Variants in CSMD1 observed in about 807,000 individuals in gnomAD.
The protein encoded by CSMD1 is CUB and Sushi multiple domains 1.
A neutral mutation model predicts 417.5 loss-of-function variants in CSMD1; 213 were observed. That is an observed-to-expected ratio of 0.51 (90% confidence interval 0.46 to 0.57). CSMD1 has a LOEUF of 0.57. Ranked by LOEUF, CSMD1 falls within the 20% of genes least tolerant of loss-of-function variation. CSMD1 has a pLI of 0.00. For missense variants in CSMD1, 6,923 were observed against 4,529.7 expected, an observed-to-expected ratio of 1.53 and a Z score of -15.17; for synonymous variants, 2,862 against 1,736.8, an observed-to-expected ratio of 1.65 and a Z score of -16.11.
intron 3 of CSMD1, among the ~76,000 whole-genome samples, chr8:4,316,081 G>C (rs757433688): frequency 2.0e-5 from 3 of 151,850 alleles, no homozygotes; most frequent in Admixed American, 1.3e-4. Context: ...AAAATAAAAT[G>C]GGTTATTAAA....
intron 5 of CSMD1, among the ~76,000 whole-genome samples, chr8:3,958,579 G>A (rs533863943): frequency 6.6e-6 from 1 of 151,992 alleles, no homozygotes; most frequent in African/African-American, 2.4e-5. Context: ...TTATCTGCTT[G>A]TTCTTTATCC....
At chr8:4,255,232 G>A (rs778307032) in intron 3 of CSMD1, among the ~76,000 whole-genome samples, 21 of 152,192 alleles carry the variant, frequency 1.4e-4, no homozygotes, top group Middle Eastern at 3.4e-3. Flanking sequence ...AGTCCCTATG[G>A]ATTTGACTAA....
Position 4,698,486 on chromosome 8 carries a change from A to G in CSMD1, c.86-60928T>C, listed in dbSNP as rs114641690. 2.6e-3 allele frequency among the ~76,000 whole-genome samples: 393 copies of G among 152,298 alleles called. 5 individuals are homozygous for G. The highest frequency in any genetic ancestry group is 9.2e-3 in the African/African-American group (383 of 41,564). On this transcript the variant is annotated intron_variant, in intron 1 of 69. Transcript: ENST00000635120. Reference sequence around the variant, plus strand: ...GTTCTCATAAGGCAGTTGGGATAGAAAACCAGCTCAGGTGTGTGTTAGGCC... The same window carrying G: ...GTTCTCATAAGGCAGTTGGGATAGAGAACCAGCTCAGGTGTGTGTTAGGCC...
At chr8:3,197,814 T>G (rs573632516) in intron 33 of CSMD1, among the ~76,000 whole-genome samples, 15 of 152,332 alleles carry the variant, frequency 9.8e-5, no homozygotes, top group Admixed American at 7.2e-4. Flanking sequence ...AGAAGCAATG[T>G]TCCATTTAAC....
At chr8:4,646,578 A>G (rs1020605441) in intron 1 of CSMD1, among the ~76,000 whole-genome samples, 1 of 152,214 alleles carries the variant, frequency 6.6e-6, no homozygotes, top group Non-Finnish European at 1.5e-5. Flanking sequence ...GGGTGTTCGC[A>G]TATACAAATT....
chr8:4,753,181 T>C (rs6558911), intron 1 of CSMD1, among the ~76,000 whole-genome samples: 65,500 of 151,590 alleles, frequency 0.43, 15,018 homozygotes, highest in East Asian at 0.64. Flanking sequence ...CAGGAGGCAA[T>C]GGAGACAGGA....
chr8:3,240,395 C>A (rs191836879), intron 26 of CSMD1, among the ~76,000 whole-genome samples: 2 of 149,108 alleles, frequency 1.3e-5, no homozygotes, highest in African/African-American at 4.9e-5. Flanking sequence ...TATCTAAAGT[C>A]GAAAGTATCC....
intron 1 of CSMD1, among the ~76,000 whole-genome samples, chr8:4,650,477 A>C (rs192620793): frequency 7.2e-4 from 110 of 152,156 alleles, no homozygotes; most frequent in African/African-American, 2.6e-3. Flanking sequence ...ACTTGCTCCT[A>C]AGCTGTGGGC....
At chr8:3,809,966 C>A (rs1800970302) in intron 5 of CSMD1, among the ~76,000 whole-genome samples, 2 of 152,324 alleles carry the variant, frequency 1.3e-5, no homozygotes, top group African/African-American at 4.8e-5. Flanking sequence ...GGCCTTCCAA[C>A]TTCTTTGCTG....
chr8:3,180,933 C>T (rs907189389), intron 37 of CSMD1, among the ~76,000 whole-genome samples, 177 bp downstream of exon 37: 3 of 152,212 alleles, frequency 2.0e-5, no homozygotes, highest in East Asian at 1.9e-4. Flanking sequence ...CATGAGTCAC[C>T]GCAACTGGCT....
chr8:3,215,364 T>C (rs1399172973), intron 29 of CSMD1, among the ~76,000 whole-genome samples: 2 of 152,218 alleles, frequency 1.3e-5, no homozygotes, highest in Non-Finnish European at 2.9e-5. Flanking sequence ...CAGCCAATAG[T>C]TCTACCTTAG....
chr8:3,996,832 T>C (rs755246911), intron 5 of CSMD1, among the ~76,000 whole-genome samples: 3 of 152,354 alleles, frequency 2.0e-5, no homozygotes, highest in African/African-American at 7.2e-5. Flanking sequence ...ATCATCAGCA[T>C]TGAGCCTTGT....
intron 4 of CSMD1, among the ~76,000 whole-genome samples, chr8:4,002,788 A>G (rs533603652): frequency 6.6e-6 from 1 of 152,224 alleles, no homozygotes; most frequent in Admixed American, 6.5e-5. Flanking sequence ...AACTGAATAG[A>G]AAGTTTTAAA....
chr8:4,550,329 GCACACA>G (rs35196172), intron 2 of CSMD1, among the ~76,000 whole-genome samples: 78 of 139,706 alleles, frequency 5.6e-4, no homozygotes, highest in Non-Finnish European at 7.8e-4. Context: ...ATACACACAC[GCACACA>G]CACACACACA....
In CSMD1 at chr8:4,459,288, C is replaced by G. The variant is rs377123384; in HGVS notation, c.303-39223G>C. ...TGCTGCAGTTCCTGTCACTTGTGCA[C>G]CAGATGGCATATAAGGTGAAGGTTC... On this transcript the variant is annotated intron_variant, in intron 2 of 69. Coordinates refer to ENST00000635120, the MANE Select transcript of CSMD1 (RefSeq NM_033225.6). 3.9e-5 allele frequency among the ~76,000 whole-genome samples: 6 copies of G among 152,318 alleles called. No homozygotes were observed. The East Asian group carries it at 9.7e-4, about 25-fold the overall frequency.
chr8:3,184,046 C>A (rs186240259), intron 36 of CSMD1, among the ~76,000 whole-genome samples: 2 of 152,228 alleles, frequency 1.3e-5, no homozygotes, highest in East Asian at 3.9e-4. Flanking sequence ...CATCTTAGGA[C>A]CAAATTTCAC....
In CSMD1 at chr8:3,795,636, TATAGATATAGATATATATCTATC is replaced by T. The variant is rs1298429034; in HGVS notation, c.819-41617_819-41595del. On this transcript the variant is annotated intron_variant, in intron 5 of 69. Coordinates refer to ENST00000635120, the MANE Select transcript of CSMD1 (RefSeq NM_033225.6). ...TAGATATAGATATATATCTATCATG[TATAGATATAGATATATATCTATC>T]ATAGATATAGATATATATCTATCAT... Among the ~76,000 whole-genome samples, 5 of 32,164 alleles carry T rather than the reference TATAGATATAGATATATATCTATC, an allele frequency of 1.6e-4. 2 individuals carry two copies. The highest frequency in any genetic ancestry group is 2.7e-4 in the Non-Finnish European group (5 of 18,224). 21.1% of individuals were successfully genotyped at this position (32,164 alleles called of 152,430 possible).
intron 6 of CSMD1, among the ~76,000 whole-genome samples, chr8:3,715,013 C>G (rs957774764): frequency 2.0e-5 from 3 of 152,102 alleles, no homozygotes; most frequent in Non-Finnish European, 4.4e-5. Context: ...GAATTGCTTT[C>G]AAAATGTTTA....
intron 1 of CSMD1, among the ~76,000 whole-genome samples, chr8:4,696,071 G>C (rs1031155791): frequency 6.6e-6 from 1 of 152,096 alleles, no homozygotes; most frequent in South Asian, 2.1e-4. Context: ...GGATTTTAAC[G>C]GTATCTGGTT....
Sources: gnomAD v4.1 joint callset for allele counts (sites outside exome capture counted in the v4.1 genomes callset) on GRCh38, gnomAD v4.1.1 for gene constraint, MANE v1.5 for transcripts, NCBI Gene and HGNC (gene_info 2026-07-23, HGNC 2026-07-21) for gene names.